The following PHF14 variants were observed in gnomAD, a reference collection of about 807,000 sequenced individuals.
The protein encoded by PHF14 is PHD finger protein 14.
In PHF14, 55 loss-of-function variants were observed where a neutral mutation model predicts 117.9. The ratio of observed to expected loss-of-function variants is 0.47; its 90% CI spans 0.38 to 0.58. The LOEUF (loss-of-function observed/expected upper bound fraction) is 0.58, where lower values mean the gene tolerates loss of function less well. PHF14 is among the 20% of genes least tolerant of loss of function. The probability of loss-of-function intolerance (pLI) is 0.00; values close to 1 mark genes in which losing one functional copy is unlikely to be tolerated. For synonymous variants in PHF14, 409 were observed against 368.6 expected (o/e 1.11, Z -1.26); for missense variants, 978 against 1,122.2 (o/e 0.87, Z 1.84).
At position 10,985,638 on chromosome 7, in the gene PHF14, G is replaced by GTTTTTTTTT. The variant is rs61250143; in HGVS notation, c.900+2502_900+2510dup. 3.5e-4 allele frequency among the ~76,000 whole-genome samples: 16 copies of GTTTTTTTTT among 45,962 alleles called. 1 individual carries two copies. Among genetic ancestry groups the GTTTTTTTTT allele is most frequent in the Admixed American group, 1.7e-3 (4 of 2,376 alleles). The allele number at this position is 45,962 out of a possible 152,430, so 30.2% of individuals were successfully genotyped here. On this transcript the variant is annotated intron_variant, in intron 3 of 17. Coordinates refer to ENST00000634607, the MANE Select transcript of PHF14 (RefSeq NM_001007157.2). ...ACTCTCTAGCAGTGATTCTCAAACTGTTTTTTTTTTTTTTTTTTTTTTTTT... is the reference window on the plus strand; with the variant it reads ...ACTCTCTAGCAGTGATTCTCAAACTGTTTTTTTTTTTTTTTTTTTTTTTTTTTTTTTTTT...
At chr7:10,986,529 C>T (rs1046128990) in intron 3 of PHF14, among the ~76,000 whole-genome samples, 4 of 152,152 alleles carry the variant, frequency 2.6e-5, no homozygotes, top group Non-Finnish European at 5.9e-5. Flanking sequence ...TTCACTGGAC[C>T]ACACCTTGAG....
At chr7:11,087,605 A>G (rs1583453339) in intron 16 of PHF14, among the ~76,000 whole-genome samples, 1 of 152,074 alleles carries the variant, frequency 6.6e-6, no homozygotes. Context: ...AGGAATCTTT[A>G]CTCACGCAAT....
At chr7:11,035,807 C>G in intron 8 of PHF14, 21 bp downstream of exon 8, 2 of 1,550,660 alleles carry the variant, frequency 1.3e-6, no homozygotes, top group Non-Finnish European at 1.7e-6. Context: ...CATGTCAAAA[C>G]CCGTATGTTT....
intron 11 of PHF14, among the ~76,000 whole-genome samples, chr7:11,040,249 G>C (rs893326082): frequency 1.5e-4 from 23 of 152,008 alleles, no homozygotes; most frequent in African/African-American, 5.1e-4. Context: ...AATCTCACTT[G>C]CTTTGTTGGA....
At chr7:10,988,076 GAGGATGTGTTACTT>G (rs1177525012) in intron 3 of PHF14, among the ~76,000 whole-genome samples, 76 of 150,702 alleles carry the variant, frequency 5.0e-4, no homozygotes, top group African/African-American at 1.7e-3. Flanking sequence ...TTTTTTTAAG[GAGGATGTGTTACTT>G]AGATTTTCCA....
At chr7:11,075,013 C>T (rs1344165489) in intron 16 of PHF14, among the ~76,000 whole-genome samples, 3 of 148,700 alleles carry the variant, frequency 2.0e-5, no homozygotes, top group Non-Finnish European at 3.0e-5. Flanking sequence ...TTTTCGTTTA[C>T]TGCAACCCCC....
At chr7:11,062,449 G>A (rs974374780) in intron 16 of PHF14, 1 of 156,036 alleles carries the variant, frequency 6.4e-6, no homozygotes, top group East Asian at 1.9e-4. Flanking sequence ...AGCTCTGTTA[G>A]CATATTCTAA....
Position 11,028,677 on chromosome 7 carries a change from G to T in PHF14, c.1318-4G>T. ...TTGAGAATTTTTCTGTTACTTTGTT[G>T]TAGGAGTGTAGCTTTTGTGAAGACC... is the stretch of plus-strand genomic sequence containing the variant. On this transcript the variant is annotated splice_polypyrimidine_tract_variant and splice_region_variant and intron_variant, in intron 6 of 17. Transcript: ENST00000634607. 6.2e-7 allele frequency: 1 copy of T among 1,613,366 alleles called. No homozygotes were observed. The highest frequency in any genetic ancestry group is 8.5e-7 in the Non-Finnish European group (1 of 1,179,582).
intron 16 of PHF14, chr7:11,106,922 G>T: frequency 1.0e-6 from 1 of 983,458 alleles, no homozygotes; most frequent in Non-Finnish European, 1.2e-6. Context: ...TGTTCCATTG[G>T]CATAAAAGAT....
At chr7:11,069,773 T>C (rs1305731470) in intron 16 of PHF14, among the ~76,000 whole-genome samples, 2 of 151,056 alleles carry the variant, frequency 1.3e-5, no homozygotes, top group Non-Finnish European at 2.9e-5. Flanking sequence ...TGGGCTTAAG[T>C]GATCCTCCTG....
At chr7:11,003,942 A>G (rs566604507) in intron 4 of PHF14, among the ~76,000 whole-genome samples, 10 of 152,248 alleles carry the variant, frequency 6.6e-5, no homozygotes, top group African/African-American at 2.4e-4. Context: ...ACATCAGTAG[A>G]AATAAGCTAA....
At chr7:11,142,064 G>A (rs1053276355) in intron 17 of PHF14, among the ~76,000 whole-genome samples, 1 of 151,768 alleles carries the variant, frequency 6.6e-6, no homozygotes, top group Non-Finnish European at 1.5e-5. Flanking sequence ...AATTTCTTAG[G>A]GGTTTTTGTT....
At chr7:11,132,086 T>C (rs1372021667) in intron 17 of PHF14, among the ~76,000 whole-genome samples, 3 of 151,858 alleles carry the variant, frequency 2.0e-5, no homozygotes, top group African/African-American at 7.2e-5. Flanking sequence ...ATTACCATTT[T>C]TTTGGGAGGG....
At chr7:11,140,769 C>G (rs1384380274) in intron 17 of PHF14, among the ~76,000 whole-genome samples, 1 of 151,880 alleles carries the variant, frequency 6.6e-6, no homozygotes, top group Non-Finnish European at 1.5e-5. Context: ...AAATAAAGAG[C>G]TTTATGTCAG....
chr7:10,975,945 AAC>A (rs1008616792), intron 2 of PHF14, among the ~76,000 whole-genome samples: 3 of 152,202 alleles, frequency 2.0e-5, no homozygotes, highest in Admixed American at 2.0e-4. Context: ...TAGTAGCATC[AAC>A]AGCAGAATTT....
chr7:11,093,549 C>A (rs1786726937), intron 16 of PHF14, among the ~76,000 whole-genome samples: 1 of 152,262 alleles, frequency 6.6e-6, no homozygotes, highest in Non-Finnish European at 1.5e-5. Context: ...CATTTGTACT[C>A]CCCTGTTAAA....
At chr7:11,161,771 T>A (rs1406623385) in intron 17 of PHF14, among the ~76,000 whole-genome samples, 1 of 111,918 alleles carries the variant, frequency 8.9e-6, no homozygotes, top group Non-Finnish European at 1.9e-5. Flanking sequence ...TTAGATAACA[T>A]TTTTAGATAT....
chr7:11,022,587 G>A (rs1783773412), intron 5 of PHF14, among the ~76,000 whole-genome samples: 1 of 152,148 alleles, frequency 6.6e-6, no homozygotes, highest in Admixed American at 6.5e-5. Context: ...TAAGTGCAAA[G>A]TGCAGTGAGT....
chr7:10,979,232 T>A (rs1185787280), intron 2 of PHF14, among the ~76,000 whole-genome samples: 1 of 152,148 alleles, frequency 6.6e-6, no homozygotes, highest in African/African-American at 2.4e-5. Context: ...TCTTGAAGGT[T>A]GGTGTTTTAA....
Sources: allele counts gnomAD v4.1 joint callset (sites outside exome capture counted in the v4.1 genomes callset), GRCh38; gene constraint gnomAD v4.1.1; transcripts MANE v1.5; gene names NCBI Gene and HGNC (gene_info 2026-07-23, HGNC 2026-07-21).